The following DNAJC3 variants were observed in gnomAD, a reference collection of about 807,000 sequenced individuals.
DNAJC3 encodes the protein DnaJ heat shock protein family (Hsp40) member C3.
In DNAJC3, 38 loss-of-function variants were observed where a neutral mutation model predicts 68.6. The observed-to-expected ratio is 0.55, with a 90% confidence interval of 0.43 to 0.73. The LOEUF (loss-of-function observed/expected upper bound fraction) is 0.73. Ranked by LOEUF, DNAJC3 falls within the 30% of genes least tolerant of loss-of-function variation. The pLI, the probability that DNAJC3 is intolerant of heterozygous loss-of-function variation, is 0.00. For missense variants in DNAJC3, 526 were observed against 591.9 expected, an observed-to-expected ratio of 0.89 and a Z score of 1.16; for synonymous variants, 203 against 204.0, an observed-to-expected ratio of 1.00 and a Z score of 0.04.
chr13:95,711,045 T>C (rs1002530813), intron 2 of DNAJC3, among the ~76,000 whole-genome samples: 1 of 152,228 alleles, frequency 6.6e-6, no homozygotes, highest in African/African-American at 2.4e-5. Flanking sequence ...CATCCTATTG[T>C]TGTAATTTAC....
At chr13:95,735,430 CCCA>C (rs1881876371) in intron 4 of DNAJC3, among the ~76,000 whole-genome samples, 1 of 125,432 alleles carries the variant, frequency 8.0e-6, no homozygotes, top group African/African-American at 3.2e-5. Flanking sequence ...AGTTTACAGT[CCCA>C]CCAACAGTGT....
At chr13:95,710,355 A>G (rs1880917563) in intron 2 of DNAJC3, among the ~76,000 whole-genome samples, 1 of 150,676 alleles carries the variant, frequency 6.6e-6, no homozygotes, top group African/African-American at 2.4e-5. Context: ...AGCTGGGATT[A>G]TAGGTGTGTG....
At chr13:95,741,395 T>C in intron 4 of DNAJC3, among the ~76,000 whole-genome samples, 1 of 152,192 alleles carries the variant, frequency 6.6e-6, no homozygotes, top group East Asian at 1.9e-4. Context: ...GAAGCTGTTT[T>C]GTAGTTTTGC....
At chr13:95,701,622 C>T (rs1880588091) in intron 1 of DNAJC3, among the ~76,000 whole-genome samples, 1 of 152,148 alleles carries the variant, frequency 6.6e-6, no homozygotes, top group Non-Finnish European at 1.5e-5. Flanking sequence ...AATTTTCTCG[C>T]ATGTATGTTT....
At chr13:95,687,595 G>C (rs1366792599) in intron 1 of DNAJC3, among the ~76,000 whole-genome samples, 1 of 152,058 alleles carries the variant, frequency 6.6e-6, no homozygotes, top group Non-Finnish European at 1.5e-5. Context: ...CATGGATTTG[G>C]AGAATATAAT....
chr13:95,722,712 C>T (rs1366069951), intron 2 of DNAJC3, among the ~76,000 whole-genome samples: 1 of 149,488 alleles, frequency 6.7e-6, no homozygotes, highest in East Asian at 2.0e-4. Flanking sequence ...CCCAGCTTCT[C>T]AGAAGGCTGA....
In DNAJC3 at chr13:95,779,164, G is replaced by A. The variant is rs1375785945; in HGVS notation, c.1076-6775G>A. The stretch of plus-strand genomic sequence containing the variant: ...TTTTGAGACGGAGTCTCACTCTGTC[G>A]CCCAGGCTGGAGTGCAGTGGCATGA... On this transcript the variant is annotated intron_variant, in intron 9 of 11. Coordinates refer to ENST00000602402, the MANE Select transcript of DNAJC3 (RefSeq NM_006260.5). 8.6e-5 allele frequency among the ~76,000 whole-genome samples: 10 copies of A among 115,824 alleles called. No individual in the cohort carries two copies. The East Asian group carries it at 1.3e-3, about 15-fold the overall frequency. The allele number at this position is 115,824 out of a possible 152,430, so 76.0% of individuals were successfully genotyped here.
At chr13:95,777,127 G>A (rs1258945211) in intron 9 of DNAJC3, among the ~76,000 whole-genome samples, 3 of 152,138 alleles carry the variant, frequency 2.0e-5, no homozygotes, top group Non-Finnish European at 4.4e-5. Flanking sequence ...GTTCAATACA[G>A]ATTGTACTTG....
intron 1 of DNAJC3, 62 bp downstream of exon 1, chr13:95,677,399 C>G: frequency 3.4e-6 from 5 of 1,490,504 alleles, no homozygotes; most frequent in Admixed American, 4.2e-5. Flanking sequence ...CGCGCTTTCC[C>G]GTCTGCGCCC....
intron 4 of DNAJC3, among the ~76,000 whole-genome samples, chr13:95,728,998 C>G (rs2139646684): frequency 6.6e-6 from 1 of 152,180 alleles, no homozygotes; most frequent in East Asian, 1.9e-4. Context: ...TCATCCTACT[C>G]TCTAACTCTG....
At chr13:95,709,801 G>A (rs1593968484) in intron 2 of DNAJC3, among the ~76,000 whole-genome samples, 2 of 151,658 alleles carry the variant, frequency 1.3e-5, no homozygotes, top group East Asian at 1.9e-4. Context: ...CACCACTCCC[G>A]GCTAATTTTT....
intron 1 of DNAJC3, among the ~76,000 whole-genome samples, chr13:95,703,921 G>A (rs112960742): frequency 1.5e-4 from 23 of 151,594 alleles, no homozygotes; most frequent in African/African-American, 4.1e-4. Context: ...TTGCTGTAAC[G>A]TTTCATTAAC....
At chr13:95,691,202 C>A (rs544236903) in intron 1 of DNAJC3, among the ~76,000 whole-genome samples, 627 of 151,976 alleles carry the variant, frequency 4.1e-3, no homozygotes, top group Non-Finnish European at 5.7e-3. Flanking sequence ...GCTGACCCCC[C>A]CACCTCCCTC....
Position 95,693,365 on chromosome 13 carries a change from T to C in DNAJC3, c.83-15862T>C, listed in dbSNP as rs141412378. 65 of 152,342 alleles carry C rather than the reference T, an allele frequency of 4.3e-4. 1 individual carries two copies. Among genetic ancestry groups the C allele is most frequent in the African/African-American group, 1.5e-3 (63 of 41,566 alleles). The allele number at this position is 152,342 out of a possible 1,614,324, so 9.4% of individuals were successfully genotyped here. A position where few individuals can be genotyped will look rare whatever the true frequency, so the allele number is the denominator to read the frequency against. On this transcript the variant is annotated intron_variant, in intron 1 of 11. Coordinates refer to ENST00000602402, the MANE Select transcript of DNAJC3 (RefSeq NM_006260.5). ...CCAATACCTGAGCCCTTTCTAGTAC[T>C]CTTATTGCCACCTCCTTAACAGCTG...
In DNAJC3 at chr13:95,690,632, CTCCCGGACGGGGCGGCT is replaced by C. The variant is rs1479647619; in HGVS notation, c.82+13296_82+13312del. 8.8e-3 allele frequency among the ~76,000 whole-genome samples: 1,314 copies of C among 148,982 alleles called. 27 individuals are homozygous for C. Among genetic ancestry groups the C allele is most frequent in the African/African-American group, 0.031 (1,245 of 39,944 alleles). On this transcript the variant is annotated intron_variant, in intron 1 of 11. Coordinates refer to ENST00000602402, the MANE Select transcript of DNAJC3 (RefSeq NM_006260.5). ...GCGGGGGGCTGACCCCCCCACCTCC[CTCCCGGACGGGGCGGCT>C]GGCCGGGCGGGGGGCTGACCCCCCC...
intron 11 of DNAJC3, among the ~76,000 whole-genome samples, chr13:95,790,137 T>C (rs1160062054): frequency 6.6e-6 from 1 of 152,252 alleles, no homozygotes; most frequent in Non-Finnish European, 1.5e-5. Context: ...ATTTTTGCTT[T>C]TGTTGCAATT....
At chr13:95,706,613 C>T (rs979107343) in intron 1 of DNAJC3, among the ~76,000 whole-genome samples, 1 of 152,170 alleles carries the variant, frequency 6.6e-6, no homozygotes, top group Non-Finnish European at 1.5e-5. Flanking sequence ...TTTAAGGCAT[C>T]CACCATGGGT....
chr13:95,722,743 G>A (rs1306304377), intron 2 of DNAJC3, among the ~76,000 whole-genome samples: 2 of 140,986 alleles, frequency 1.4e-5, no homozygotes, highest in Non-Finnish European at 1.5e-5. Flanking sequence ...TTGCTTGAGC[G>A]TGGGAGGTCA....
At chr13:95,772,155 A>G (rs1883175970) in intron 9 of DNAJC3, among the ~76,000 whole-genome samples, 1 of 152,184 alleles carries the variant, frequency 6.6e-6, no homozygotes, top group South Asian at 2.1e-4. Context: ...ATTTTGAAAA[A>G]CAGGTGGTGG....
Sources: allele counts gnomAD v4.1 joint callset (sites outside exome capture counted in the v4.1 genomes callset), GRCh38; gene constraint gnomAD v4.1.1; transcripts MANE v1.5; gene names NCBI Gene and HGNC (gene_info 2026-07-23, HGNC 2026-07-21).